Variants in SNX17 observed in about 807,000 individuals in gnomAD.
SNX17 encodes the protein sorting nexin-17.
A neutral mutation model predicts 64.3 loss-of-function variants in SNX17; 35 were observed. That is an observed-to-expected ratio of 0.54 (90% CI 0.42 to 0.72). The LOEUF (loss-of-function observed/expected upper bound fraction) is 0.72, where lower values mean the gene tolerates loss of function less well. SNX17 is among the 30% of genes least tolerant of loss of function. SNX17 has a pLI of 0.00. For synonymous variants in SNX17, 259 were observed against 230.2 expected (o/e 1.13, Z -1.13); for missense variants, 538 against 610.0 (o/e 0.88, Z 1.24).
At position 27,376,618 on chromosome 2, in the gene SNX17, G is replaced by A. The variant is rs957118413; in HGVS notation, c.1312G>A (p.Ala438Thr). 5 of 1,614,224 alleles carry A rather than the reference G, an allele frequency of 3.1e-6. No homozygotes were observed. In the Admixed American group the frequency reaches 6.7e-5, roughly 22 times the overall value. The change falls in exon 15 of 15, where the codon GCC (alanine) becomes ACC (threonine). Residue 438 changes from alanine to threonine, a missense_variant. Transcript: ENST00000233575. Reference protein sequence around the residue: ...SMVKLSSKLSAVSLRGIGSPS... With the variant: ...SMVKLSSKLSTVSLRGIGSPS... ...GCCTTTGTTACAGAGTAAGCTGAGT[G>A]CCGTGAGCTTGCGGGGAATTGGCAG...
Position 27,373,261 on chromosome 2 carries a change from T to C in SNX17, c.271T>C (p.Leu91=), listed in dbSNP as rs1682822642. 3 of 1,614,180 alleles carry C rather than the reference T, an allele frequency of 1.9e-6. No individual in the cohort carries two copies. Among genetic ancestry groups the C allele is most frequent in the Non-Finnish European group, 2.5e-6 (3 of 1,180,016 alleles). ...KYMQAVRQDP[L]LGSSETFNSF... Reference sequence around the variant, plus strand: ...TGTCCTCGTAGTTCGGCAAGACCCATTGCTTGGGAGCAGCGAGACTTTCAA... The same window carrying C: ...TGTCCTCGTAGTTCGGCAAGACCCACTGCTTGGGAGCAGCGAGACTTTCAA... The change falls in exon 4 of 15, where the codon TTG becomes CTG. Residue 91 remains leucine, a synonymous_variant. Coordinates refer to ENST00000233575, the MANE Select transcript of SNX17 (RefSeq NM_014748.4).
chr2:27,376,291 G>A (rs116726034), intron 12 of SNX17, 22 bp from the exon 13 acceptor site: 77 of 1,611,520 alleles, frequency 4.8e-5, no homozygotes, highest in African/African-American at 1.7e-4. Context: ...TGCCCTCACC[G>A]GCACCTTGTG....
chr2:27,371,841 A>G (rs1421807883), intron 2 of SNX17, among the ~76,000 whole-genome samples: 2 of 152,238 alleles, frequency 1.3e-5, no homozygotes, highest in African/African-American at 4.8e-5. Context: ...TATTTAACTC[A>G]GTAGAGCTCC....
chr2:27,374,227 C>T (rs1021756485), intron 6 of SNX17, 52 bp downstream of exon 6: 34 of 1,575,462 alleles, frequency 2.2e-5, no homozygotes, highest in Non-Finnish European at 2.8e-5. Flanking sequence ...GTAGAGTTTG[C>T]AGCCCCCCTA....
chr2:27,375,742 T>A lies in SNX17; in HGVS notation c.978+33T>A. On this transcript the variant is annotated intron_variant, in intron 10 of 14. Coordinates refer to ENST00000233575, the MANE Select transcript of SNX17 (RefSeq NM_014748.4). This position sits in a 1 kb window ranked among gnomAD's most constrained non-coding sequence, Gnocchi z 4.1. Reference sequence around the variant, plus strand: ...GGGTTAGGAGGGGGAAGGGCCTGGGTTGGGGGCCCGGCAAGCCTTGAGCTT... The same window carrying A: ...GGGTTAGGAGGGGGAAGGGCCTGGGATGGGGGCCCGGCAAGCCTTGAGCTT... The A allele has an allele frequency of 6.2e-7, 1 of 1,612,064 alleles. No individual in the cohort carries two copies. The highest frequency in any genetic ancestry group is 8.5e-7 in the Non-Finnish European group (1 of 1,179,306).
At chr2:27,371,474 G>T (rs989956515) in intron 2 of SNX17, 131 bp downstream of exon 2, 7 of 1,416,110 alleles carry the variant, frequency 4.9e-6, no homozygotes, top group Non-Finnish European at 6.4e-6. Context: ...ACAGGGTAGG[G>T]CCCTGGTTTA....
intron 5 of SNX17, 37 bp from the exon 6 acceptor site, chr2:27,374,048 C>G: frequency 2.5e-6 from 4 of 1,609,314 alleles, no homozygotes; most frequent in Non-Finnish European, 3.4e-6. Context: ...TTGGAACCAG[C>G]CAGTATGATG....
chr2:27,370,853 A>G, intron 1 of SNX17, 47 bp downstream of exon 1: 6 of 1,524,336 alleles, frequency 3.9e-6, no homozygotes, highest in Non-Finnish European at 5.3e-6. Context: ...GGCGGGGATA[A>G]CGGGCCCGAG....
Position 27,375,469 on chromosome 2 carries a change from C to G in SNX17, c.775-37C>G. 6.2e-7 allele frequency: 1 copy of G among 1,611,308 alleles called. No homozygotes were observed. On this transcript the variant is annotated intron_variant, in intron 9 of 14. Coordinates refer to ENST00000233575, the MANE Select transcript of SNX17 (RefSeq NM_014748.4). This position sits in a 1 kb window ranked among gnomAD's most constrained non-coding sequence, Gnocchi z 4.1. ...GCTTTTTCTGAGCTGCCCCATTCTC[C>G]CTCCTAATCTACCCCCATGTGATGA...
In SNX17 at chr2:27,375,648, A is replaced by G. The variant is rs1683118029; in HGVS notation, c.917A>G (p.Gln306Arg). The change falls in exon 10 of 15, where the codon CAG (glutamine) becomes CGG (arginine). Residue 306 changes from glutamine to arginine, a missense_variant. Around this residue, in one of 3 missense-constraint regions of SNX17, gnomAD observed 505 missense variants for 550.4 expected, o/e 0.92. Transcript: ENST00000233575. This position sits in a 1 kb window ranked among gnomAD's most constrained non-coding sequence, Gnocchi z 4.1. ...AGCCTGCAGCTCCGCCTGCCTGGCC[A>G]GCAACTCCGAGAAGGCTCCTTCCGG... ...ELSLQLRLPG[Q>R]QLREGSFRVT... The G allele has an allele frequency of 6.2e-7, 1 of 1,614,208 alleles. No individual in the cohort carries two copies. Among genetic ancestry groups the G allele is most frequent in the South Asian group, 1.1e-5 (1 of 91,086 alleles).
chr2:27,375,847 T>A lies in SNX17; in HGVS notation c.980T>A (p.Val327Glu), dbSNP rs1455832012. Residue 327 changes from valine to glutamate, a missense_variant and splice_region_variant, in exon 11 of 15, where the codon GTA (valine) becomes GAA (glutamate). Val to Glu is a moderately radical substitution (Grantham distance 121). Around this residue, in one of 3 missense-constraint regions of SNX17, gnomAD observed 505 missense variants for 550.4 expected, o/e 0.92. Coordinates refer to ENST00000233575, the MANE Select transcript of SNX17 (RefSeq NM_014748.4). The surrounding 1 kb of genome is among the most constrained non-coding windows in gnomAD (Gnocchi z 4.1). ...RMRCWRVTSS[V>E]PLPSGSTSSP... ...ACCGAATTCCCCTTCCTCTCCCAGG[T>A]ACCATTGCCCAGTGGAAGCACGAGC... is the stretch of plus-strand genomic sequence containing the variant. 1.2e-6 allele frequency: 2 copies of A among 1,613,814 alleles called. No homozygotes were observed. Among genetic ancestry groups the A allele is most frequent in the African/African-American group, 1.3e-5 (1 of 74,926 alleles).
At chr2:27,372,805 T>C in intron 3 of SNX17, 65 bp downstream of exon 3, 2 of 1,593,504 alleles carry the variant, frequency 1.3e-6, no homozygotes, top group Non-Finnish European at 1.7e-6. Context: ...TAAAAACAGC[T>C]GGTTCTGTGG....
rs939106407 is a variant in SNX17, at chr2:27,374,706, A to G, written c.629A>G (p.Tyr210Cys). The G allele has an allele frequency of 3.7e-6, 6 of 1,614,032 alleles. No homozygotes were observed. The African/African-American group carries it at 4.0e-5, about 11-fold the overall frequency. The change falls in exon 8 of 15, where the codon TAT (tyrosine) becomes TGT (cysteine). Residue 210 changes from tyrosine to cysteine, a missense_variant. Physicochemically the swap from Tyr to Cys is radical, Grantham distance 194. Around this residue, in one of 3 missense-constraint regions of SNX17, gnomAD observed 505 missense variants for 550.4 expected, o/e 0.92. Transcript: ENST00000233575. ...CCTCACAGTTATTGGGACTCTGCCT[A>G]TGATGACGATGTCATGGAGAACCGG... is the stretch of plus-strand genomic sequence containing the variant. ...VLRKSYWDSA[Y>C]DDDVMENRVG... is the part of the protein sequence containing the mutation.
In SNX17 at chr2:27,372,662, C is replaced by T; in HGVS notation, c.178C>T (p.Pro60Ser). 6.2e-7 allele frequency: 1 copy of T among 1,614,150 alleles called. No homozygotes were observed. The highest frequency in any genetic ancestry group is 8.5e-7 in the Non-Finnish European group (1 of 1,180,026). The change falls in exon 3 of 15, where the codon CCC becomes TCC. Residue 60 changes from proline (P) to serine (S), a missense_variant. Coordinates refer to ENST00000233575, the MANE Select transcript of SNX17 (RefSeq NM_014748.4). ...TGGGGCCAATGTGCTTCCTGCATTC[C>T]CCCCAAAGAAGCTTTTCTCTCTGAC... ...EYGANVLPAF[P>S]PKKLFSLTPA... is the part of the protein sequence containing the mutation.
rs755297510 is a variant in SNX17 at position 27,375,184 on chromosome 2, A to G, written c.774+31A>G. On this transcript the variant is annotated intron_variant, in intron 9 of 14. Transcript: ENST00000233575. This position sits in a 1 kb window ranked among gnomAD's most constrained non-coding sequence, Gnocchi z 4.1. Reference sequence around the variant, plus strand: ...CCCTGCCTCCTCTCTGTCTTCCTCTAAGGGCTTGCAGTGGCGCGATCTTGG... The same window carrying G: ...CCCTGCCTCCTCTCTGTCTTCCTCTGAGGGCTTGCAGTGGCGCGATCTTGG... 1.2e-5 allele frequency: 19 copies of G among 1,598,584 alleles called. No homozygotes were observed. Among genetic ancestry groups the G allele is most frequent in the South Asian group, 2.2e-5 (2 of 90,710 alleles).
Position 27,376,327 on chromosome 2 carries a change from G to A in SNX17, c.1197G>A (p.Arg399=), listed in dbSNP as rs1683221961. 2 of 1,612,106 alleles carry A rather than the reference G, an allele frequency of 1.2e-6. No homozygotes were observed. The highest frequency in any genetic ancestry group is 1.7e-6 in the Non-Finnish European group (2 of 1,178,570). Residue 399 remains arginine, a synonymous_variant, in exon 13 of 15, where the codon CGG becomes CGA. Coordinates refer to ENST00000233575, the MANE Select transcript of SNX17 (RefSeq NM_014748.4). ...GGSIRKMLRR[R]VGGTLRRSDS... ...TCTGTCCCCAGATGCTGCGCCGGCG[G>A]GTGGGGGGTACTCTGAGACGCTCAG...
chr2:27,374,480 A>T, intron 7 of SNX17, 47 bp downstream of exon 7: 1 of 1,516,528 alleles, frequency 6.6e-7, no homozygotes, highest in Non-Finnish European at 9.2e-7. Context: ...GCTGTGCTGG[A>T]TTGGATTATT....
chr2:27,371,448 C>T (rs967415941), intron 2 of SNX17, 105 bp downstream of exon 2: 4 of 1,463,430 alleles, frequency 2.7e-6, no homozygotes, highest in South Asian at 2.8e-5. Context: ...GCTGTAGTTC[C>T]CCTTTAATCA....
intron 7 of SNX17, 76 bp downstream of exon 7, chr2:27,374,509 G>A: frequency 7.1e-7 from 1 of 1,406,780 alleles, no homozygotes; most frequent in East Asian, 2.3e-5. Context: ...TATTGAGACA[G>A]AATAATCTGG....
Sources: allele counts gnomAD v4.1 joint callset (sites outside exome capture counted in the v4.1 genomes callset), GRCh38; gene constraint gnomAD v4.1.1; regional missense constraint gnomAD v4.1.1; non-coding constraint Gnocchi (gnomAD v3.1); transcripts MANE v1.5; gene names NCBI Gene and HGNC (gene_info 2026-07-23, HGNC 2026-07-21).